The following FIBCD1 variants were observed in gnomAD, a reference collection of about 807,000 sequenced individuals.
The protein encoded by FIBCD1 is fibrinogen C domain-containing protein 1.
Under a neutral mutation model 45.1 loss-of-function variants are expected in FIBCD1, and 47 were observed. The ratio of observed to expected loss-of-function variants is 1.04; its 90% confidence interval spans 0.82 to 1.33. FIBCD1 has a LOEUF of 1.33. FIBCD1 is among the 40% of genes most tolerant of loss of function. FIBCD1 has a pLI of 0.00. For synonymous variants in FIBCD1, 313 were observed against 308.1 expected, an observed-to-expected ratio of 1.02 and a Z score of -0.17; for missense variants, 653 against 682.2, an observed-to-expected ratio of 0.96 and a Z score of 0.48.
Position 130,922,107 on chromosome 9 carries a change from C to T in FIBCD1, c.849+1637G>A, listed in dbSNP as rs1404806013. On this transcript the variant is annotated intron_variant, in intron 4 of 6. Transcript: ENST00000372338. The surrounding 1 kb of genome is among the most constrained non-coding windows in gnomAD (Gnocchi z 4.5). ...ACTCCCCGCCAAGAGGCTTCCCTCT[C>T]TCCTGTTTCTCGGTCACTTGTTTTG... Among the ~76,000 whole-genome samples the T allele has an allele frequency of 2.6e-5, 4 of 152,240 alleles. No homozygotes were observed. The highest frequency in any genetic ancestry group is 9.6e-5 in the African/African-American group (4 of 41,468).
intron 2 of FIBCD1, among the ~76,000 whole-genome samples, chr9:130,925,559 G>A (rs370208446): frequency 1.4e-3 from 212 of 152,196 alleles, no homozygotes; most frequent in South Asian, 0.012. Context: ...TTCTCTGAGC[G>A]GGGGGATTCA....
chr9:130,911,726 C>G (rs1318271194), intron 5 of FIBCD1, 66 bp downstream of exon 5: 2 of 1,445,474 alleles, frequency 1.4e-6, no homozygotes, highest in African/African-American at 2.8e-5. Context: ...GCAGCTGGGA[C>G]CCAACTGTGT....
At chr9:130,912,603 A>G (rs1054212894) in intron 4 of FIBCD1, among the ~76,000 whole-genome samples, 8 of 151,654 alleles carry the variant, frequency 5.3e-5, no homozygotes, top group Non-Finnish European at 1.0e-4. Flanking sequence ...GCTACTGGGG[A>G]GGCTGAGGCA....
rs1486908042 is a variant in FIBCD1 at position 130,929,768 on chromosome 9, C to A, written c.351G>T (p.Gln117His). The A allele has an allele frequency of 1.3e-6, 2 of 1,560,306 alleles. No individual in the cohort carries two copies. The highest frequency in any genetic ancestry group is 1.7e-6 in the Non-Finnish European group (2 of 1,152,526). ...GCTGGGCCTGGTGCTCTGTCAGCGC[C>A]TGCAGCACCGAGGCCTGGGCGCTCT... ...RLESAQASVLQALTEHQAQPR... is the reference protein window; with the variant it reads ...RLESAQASVLHALTEHQAQPR... Residue 117 changes from glutamine (Q) to histidine (H), a missense_variant, in exon 2 of 7, where the codon CAG (glutamine) becomes CAT (histidine). Coordinates refer to ENST00000372338, the MANE Select transcript of FIBCD1 (RefSeq NM_032843.5).
chr9:130,934,778 A>G (rs1461261841), intron 1 of FIBCD1, among the ~76,000 whole-genome samples: 3 of 151,922 alleles, frequency 2.0e-5, no homozygotes, highest in African/African-American at 7.3e-5. Context: ...CAAAGCTGGC[A>G]CCTCCTCAGG....
intron 5 of FIBCD1, among the ~76,000 whole-genome samples, chr9:130,908,230 T>C (rs905210415): frequency 6.6e-6 from 1 of 152,090 alleles, no homozygotes; most frequent in Admixed American, 6.5e-5. Context: ...TGAGAGGGGA[T>C]GGGGAGGGTG....
At chr9:130,936,547 C>G (rs923394872) in intron 1 of FIBCD1, among the ~76,000 whole-genome samples, 1 of 152,258 alleles carries the variant, frequency 6.6e-6, no homozygotes, top group African/African-American at 2.4e-5. Flanking sequence ...GAAAGCTGTG[C>G]CCCCAGGGAG....
Position 130,936,977 on chromosome 9 carries a change from G to A in FIBCD1, c.72+1559C>T, listed in dbSNP as rs866011859. On this transcript the variant is annotated intron_variant, in intron 1 of 6. Coordinates refer to ENST00000372338, the MANE Select transcript of FIBCD1 (RefSeq NM_032843.5). ...AGGGTGTCCCTGAGTGAAGGGGTGT[G>A]TGTGTGTGTGTGTGTGTTTGTGTAA... 1.2e-3 allele frequency among the ~76,000 whole-genome samples: 188 copies of A among 150,914 alleles called. 2 individuals carry two copies. In the South Asian group the frequency reaches 0.015, roughly 12 times the overall value.
rs201660431 is a variant in FIBCD1 at position 130,905,323 on chromosome 9, C to T, written c.1037G>A (p.Arg346His). 555 of 1,613,878 alleles carry T rather than the reference C, an allele frequency of 3.4e-4. 2 individuals are homozygous for T. The highest frequency in any genetic ancestry group is 2.4e-4 in the Non-Finnish European group (287 of 1,179,994). The change falls in exon 6 of 7, where the codon CGC becomes CAC. Residue 346 changes from arginine (R) to histidine (H), a missense_variant. Physicochemically the swap from Arg to His is conservative, Grantham distance 29. Coordinates refer to ENST00000372338, the MANE Select transcript of FIBCD1 (RefSeq NM_032843.5). ...EDFENGTAYARYGSFGVGLFS... is the reference protein window; with the variant it reads ...EDFENGTAYAHYGSFGVGLFS... ...CAAGCCCACGCCGAAGCTCCCGTAG[C>T]GGGCATAGGCCGTGCCATTCTCAAA...
chr9:130,910,465 C>T (rs1269641707), intron 5 of FIBCD1, among the ~76,000 whole-genome samples: 2 of 152,238 alleles, frequency 1.3e-5, no homozygotes, highest in Non-Finnish European at 2.9e-5. Flanking sequence ...CCCTGCTCCA[C>T]AGCGCCCGGT....
Position 130,922,303 on chromosome 9 carries a change from T to C in FIBCD1, c.849+1441A>G, listed in dbSNP as rs1448323792. Among the ~76,000 whole-genome samples the C allele has an allele frequency of 1.3e-5, 2 of 152,148 alleles. No individual in the cohort carries two copies. Among genetic ancestry groups the C allele is most frequent in the Non-Finnish European group, 2.9e-5 (2 of 68,010 alleles). On this transcript the variant is annotated intron_variant, in intron 4 of 6. Coordinates refer to ENST00000372338, the MANE Select transcript of FIBCD1 (RefSeq NM_032843.5). The surrounding 1 kb of genome is among the most constrained non-coding windows in gnomAD (Gnocchi z 4.5). ...GGGCCTGGTCTGGGGTCTCTGTTCC[T>C]GGCTAAGCAGGCCTGACTGGCATCG...
intron 5 of FIBCD1, among the ~76,000 whole-genome samples, chr9:130,911,267 C>T (rs1028992726): frequency 1.7e-4 from 26 of 152,294 alleles, no homozygotes; most frequent in African/African-American, 3.1e-4. Context: ...ACTCCAGGCG[C>T]GCTACCTTAA....
At position 130,911,659 on chromosome 9, in the gene FIBCD1, G is replaced by GT. The variant is rs536407048; in HGVS notation, c.946+132dup. On this transcript the variant is annotated intron_variant, in intron 5 of 6. Transcript: ENST00000372338. ...CCTGTCACCTTCATGCATGACACCT[G>GT]TGAGCTGGCTCAGGTGTGCCGAGGC... is the stretch of plus-strand genomic sequence containing the variant. 100 of 713,506 alleles carry GT rather than the reference G, an allele frequency of 1.4e-4. No homozygotes were observed. The African/African-American group carries it at 1.7e-3, about 12-fold the overall frequency. 44.2% of individuals were successfully genotyped at this position (713,506 alleles called of 1,614,324 possible).
chr9:130,919,892 T>C lies in FIBCD1; in HGVS notation c.849+3852A>G, dbSNP rs541682225. Among the ~76,000 whole-genome samples, 5 of 151,306 alleles carry C rather than the reference T, an allele frequency of 3.3e-5. No individual in the cohort carries two copies. In the East Asian group the frequency reaches 5.9e-4, roughly 18 times the overall value. ...GACCCCAGCCAGTGACTATGCAATG[T>C]TGAGGGCTTGGCAGTCAGGCCTGGG... On this transcript the variant is annotated intron_variant, in intron 4 of 6. Transcript: ENST00000372338.
At chr9:130,909,212 G>A (rs1315638832) in intron 5 of FIBCD1, among the ~76,000 whole-genome samples, 1 of 152,034 alleles carries the variant, frequency 6.6e-6, no homozygotes, top group African/African-American at 2.4e-5. Context: ...GAACTCCCGG[G>A]ATGTCCTCAC....
chr9:130,938,323 G>C (rs539827741), intron 1 of FIBCD1: 20 of 431,438 alleles, frequency 4.6e-5, no homozygotes, highest in African/African-American at 3.8e-4. Context: ...CAGCGCGCGT[G>C]GCTCCTGCAG....
At chr9:130,909,511 G>T (rs1831998243) in intron 5 of FIBCD1, among the ~76,000 whole-genome samples, 1 of 152,118 alleles carries the variant, frequency 6.6e-6, no homozygotes, top group African/African-American at 2.4e-5. Flanking sequence ...GGCAATGGTT[G>T]TAATATTCTG....
At chr9:130,916,996 G>T (rs1255786548) in intron 4 of FIBCD1, among the ~76,000 whole-genome samples, 1 of 152,224 alleles carries the variant, frequency 6.6e-6, no homozygotes, top group Non-Finnish European at 1.5e-5. Context: ...TACTCGGGAG[G>T]CTGAGGCAGG....
chr9:130,906,408 G>C (rs1482624943), intron 5 of FIBCD1, among the ~76,000 whole-genome samples: 1 of 152,176 alleles, frequency 6.6e-6, no homozygotes, highest in Non-Finnish European at 1.5e-5. Context: ...GTGCTGGCTG[G>C]AGGCTGTGCG....
Sources: allele counts gnomAD v4.1 joint callset (sites outside exome capture counted in the v4.1 genomes callset), GRCh38; gene constraint gnomAD v4.1.1; non-coding constraint Gnocchi (gnomAD v3.1); transcripts MANE v1.5; gene names NCBI Gene and HGNC (gene_info 2026-07-23, HGNC 2026-07-21).